The following RGS20 variants were observed in gnomAD, a reference collection of about 807,000 sequenced individuals.
RGS20 encodes regulator of G protein signaling 20, also known as gz-selective GTPase-activating protein.
Under a neutral mutation model 33.6 loss-of-function variants are expected in RGS20, and 30 were observed. The ratio of observed to expected loss-of-function variants is 0.89; its 90% CI spans 0.67 to 1.21. The LOEUF (loss-of-function observed/expected upper bound fraction) is 1.21, where lower values mean the gene tolerates loss of function less well. RGS20 is among the 50% of genes most tolerant of loss of function. RGS20 has a pLI of 0.00. For synonymous variants in RGS20, 208 were observed against 197.9 expected (o/e 1.05, Z -0.43); for missense variants, 472 against 502.4 (o/e 0.94, Z 0.58).
At chr8:53,876,294 G>A (rs572297049) in intron 1 of RGS20, 1 of 152,300 alleles carries the variant, frequency 6.6e-6, no homozygotes. Flanking sequence ...GCAAGACATT[G>A]TTCATACGGA....
chr8:53,889,412 CTTTTTTTTTTTT>C (rs34316630), intron 2 of RGS20, among the ~76,000 whole-genome samples: 923 of 41,840 alleles, frequency 0.022, 126 homozygotes, highest in African/African-American at 0.048. Flanking sequence ...CTCTCTCTCT[CTTTTTTTTTTTT>C]TTTTTTTTTT....
chr8:53,920,149 A>G (rs1813601472), intron 2 of RGS20, among the ~76,000 whole-genome samples: 1 of 152,218 alleles, frequency 6.6e-6, no homozygotes, highest in Admixed American at 6.5e-5. Flanking sequence ...TGCTGGAATT[A>G]TAGATGTGAG....
chr8:53,929,668 C>A (rs1813900545), intron 2 of RGS20, among the ~76,000 whole-genome samples: 2 of 151,724 alleles, frequency 1.3e-5, no homozygotes, highest in East Asian at 1.9e-4. Context: ...AACTACATAT[C>A]AAAAAAAATG....
chr8:53,905,231 A>G lies in RGS20; in HGVS notation c.510+25629A>G, dbSNP rs144207205. ...ATGGACCAGCTTTTTCTTAAAATAG[A>G]CAATAAAACCCAAATAGTCAGACAA... On this transcript the variant is annotated intron_variant, in intron 2 of 5. Transcript: ENST00000297313. Among the ~76,000 whole-genome samples, 1,191 of 152,352 alleles carry G rather than the reference A, an allele frequency of 7.8e-3. 17 individuals are homozygous for G. Among genetic ancestry groups the G allele is most frequent in the African/African-American group, 0.027 (1,129 of 41,576 alleles).
chr8:53,922,641 AG>A (rs1162078344), intron 2 of RGS20, among the ~76,000 whole-genome samples: 4 of 151,588 alleles, frequency 2.6e-5, no homozygotes, highest in African/African-American at 2.4e-5. Flanking sequence ...ATTTTACTTT[AG>A]TTATTTTTTC....
intron 3 of RGS20, among the ~76,000 whole-genome samples, chr8:53,942,222 G>A (rs1299779916): frequency 2.0e-5 from 3 of 152,086 alleles, no homozygotes; most frequent in Non-Finnish European, 2.9e-5. Context: ...TCGGTGAGCC[G>A]AGATTGCACC....
intron 2 of RGS20, among the ~76,000 whole-genome samples, chr8:53,922,017 T>C (rs1813662966): frequency 6.6e-6 from 1 of 152,176 alleles, no homozygotes; most frequent in Admixed American, 6.5e-5. Context: ...TAGGTGTAGT[T>C]AGTTTATAGT....
At chr8:53,919,949 C>G (rs968671797) in intron 2 of RGS20, among the ~76,000 whole-genome samples, 1 of 151,708 alleles carries the variant, frequency 6.6e-6, no homozygotes, top group Admixed American at 6.6e-5. Context: ...GATCTTGGCT[C>G]ACTGCAGCCT....
chr8:53,939,844 T>A (rs1814239549), intron 3 of RGS20, 120 bp downstream of exon 2: 10 of 1,191,152 alleles, frequency 8.4e-6, no homozygotes, highest in South Asian at 8.1e-5. Context: ...AAGTGTTTTT[T>A]AAGCAACTAC....
intron 2 of RGS20, among the ~76,000 whole-genome samples, chr8:53,926,958 T>A (rs1026688841): frequency 1.3e-5 from 2 of 152,100 alleles, no homozygotes; most frequent in Non-Finnish European, 2.9e-5. Context: ...ATTAGTTAGG[T>A]TAAAACTTTT....
At chr8:53,888,054 G>T (rs1188343031) in intron 2 of RGS20, among the ~76,000 whole-genome samples, 1 of 151,880 alleles carries the variant, frequency 6.6e-6, no homozygotes, top group Non-Finnish European at 1.5e-5. Flanking sequence ...CATGTATGGG[G>T]TCTTCCATTA....
intron 1 of RGS20, among the ~76,000 whole-genome samples, chr8:53,875,714 G>C (rs1585874514): frequency 6.6e-6 from 1 of 152,146 alleles, no homozygotes; most frequent in East Asian, 1.9e-4. Context: ...CTCCATGTAA[G>C]CCTTAGGCAT....
At chr8:53,947,529 TAGG>T (rs1814543388) in intron 4 of RGS20, among the ~76,000 whole-genome samples, 1 of 137,954 alleles carries the variant, frequency 7.2e-6, no homozygotes, top group Non-Finnish European at 1.5e-5. Context: ...ATATGCTATA[TAGG>T]ATATAGTATA....
chr8:53,913,174 C>T (rs1039047009), intron 2 of RGS20, among the ~76,000 whole-genome samples: 1 of 152,064 alleles, frequency 6.6e-6, no homozygotes, highest in African/African-American at 2.4e-5. Context: ...CCATGTTAGT[C>T]AGGCTAGTAT....
chr8:53,923,180 T>C (rs2129286913), intron 2 of RGS20, among the ~76,000 whole-genome samples: 1 of 151,408 alleles, frequency 6.6e-6, no homozygotes, highest in South Asian at 2.1e-4. Context: ...TACTGCTTTA[T>C]ATAATCCTCC....
At chr8:53,854,559 A>G (rs73680330) in intron 1 of RGS20, among the ~76,000 whole-genome samples, 8,235 of 152,234 alleles carry the variant, frequency 0.054, 642 homozygotes, top group African/African-American at 0.18. Context: ...CTAAAATGGA[A>G]AAAAATAGTG....
intron 2 of RGS20, among the ~76,000 whole-genome samples, chr8:53,892,585 A>G (rs1812742826): frequency 6.6e-6 from 1 of 152,200 alleles, no homozygotes; most frequent in Non-Finnish European, 1.5e-5. Flanking sequence ...AATGAAAGAG[A>G]ACTAGGCTCA....
At chr8:53,893,018 A>G (rs1397904106) in intron 2 of RGS20, among the ~76,000 whole-genome samples, 3 of 152,226 alleles carry the variant, frequency 2.0e-5, no homozygotes, top group African/African-American at 7.2e-5. Flanking sequence ...ATTTAGTTGC[A>G]GAAAGAATTG....
intron 2 of RGS20, among the ~76,000 whole-genome samples, chr8:53,896,456 G>A (rs1298011330): frequency 1.3e-5 from 2 of 152,202 alleles, no homozygotes; most frequent in African/African-American, 4.8e-5. Context: ...TGCAAAGTGT[G>A]CAATATGTAT....
Sources: allele counts gnomAD v4.1 joint callset (sites outside exome capture counted in the v4.1 genomes callset), GRCh38; gene constraint gnomAD v4.1.1; transcripts MANE v1.5; gene names NCBI Gene and HGNC (gene_info 2026-07-23, HGNC 2026-07-21).